The following CACNA2D1 variants were observed in gnomAD, a reference collection of about 807,000 sequenced individuals.
CACNA2D1 encodes calcium voltage-gated channel auxiliary subunit alpha2delta 1.
Under a neutral mutation model 171.5 loss-of-function variants are expected in CACNA2D1, and 53 were observed. The ratio of observed to expected loss-of-function variants is 0.31; its 90% CI spans 0.25 to 0.39. CACNA2D1 has a LOEUF of 0.39. Among genes scored for constraint, CACNA2D1 ranks in the 10% least tolerant of loss-of-function variants. CACNA2D1 has a pLI of 1.00. For missense variants in CACNA2D1, 903 were observed against 1,299.8 expected, an observed-to-expected ratio of 0.69 and a Z score of 4.69; for synonymous variants, 442 against 443.1, an observed-to-expected ratio of 1.00 and a Z score of 0.03.
At chr7:81,957,031 A>T (rs1409497069) in intron 38 of CACNA2D1, among the ~76,000 whole-genome samples, 3 of 152,152 alleles carry the variant, frequency 2.0e-5, no homozygotes, top group Non-Finnish European at 2.9e-5. Flanking sequence ...TTTTGAGAGT[A>T]AAAAATCTAA....
At chr7:82,164,023 G>A (rs1412874753) in intron 4 of CACNA2D1, among the ~76,000 whole-genome samples, 1 of 152,026 alleles carries the variant, frequency 6.6e-6, no homozygotes, top group Non-Finnish European at 1.5e-5. Context: ...AAAGTGCACA[G>A]CAAGTTGTTG....
chr7:82,194,366 T>C (rs1798643673), intron 3 of CACNA2D1, among the ~76,000 whole-genome samples: 1 of 151,980 alleles, frequency 6.6e-6, no homozygotes, highest in South Asian at 2.1e-4. Flanking sequence ...GATAGCAAAA[T>C]ATGTCCTTAT....
chr7:82,268,321 A>G (rs1808181396), intron 3 of CACNA2D1, among the ~76,000 whole-genome samples: 1 of 152,222 alleles, frequency 6.6e-6, no homozygotes, highest in Admixed American at 6.5e-5. Context: ...AATATTAAAT[A>G]CTCAGCAAAT....
Position 81,961,946 on chromosome 7 carries a change from C to T in CACNA2D1, c.2914G>A (p.Asp972Asn), listed in dbSNP as rs776720930. The part of the protein sequence containing the change: ...CITEQTQYFF[D>N]NDSKSFSGVL... ...CCACTGAATGATTTACTGTCGTTAT[C>T]GAAGAAATACTGGGTTTGTTCAGTA... The change falls in exon 36 of 39, where the codon GAT becomes AAT. Residue 972 changes from aspartate to asparagine, a missense_variant. Physicochemically the swap from Asp to Asn is conservative, Grantham distance 23 (BLOSUM62 1). Transcript: ENST00000356860. The T allele has an allele frequency of 2.0e-5, 32 of 1,611,232 alleles. No homozygotes were observed. The highest frequency in any genetic ancestry group is 1.2e-4 in the African/African-American group (9 of 74,704).
chr7:82,076,766 G>T (rs191152883), intron 7 of CACNA2D1, among the ~76,000 whole-genome samples: 5 of 152,060 alleles, frequency 3.3e-5, no homozygotes, highest in African/African-American at 9.7e-5. Context: ...CATTCAAGGC[G>T]ACATATTCTA....
intron 1 of CACNA2D1, among the ~76,000 whole-genome samples, chr7:82,378,926 C>A (rs1823333937): frequency 7.8e-6 from 1 of 128,148 alleles, no homozygotes; most frequent in African/African-American, 2.9e-5. Flanking sequence ...TGTATGTGTG[C>A]AGGGGTTGAC....
chr7:82,284,906 C>T (rs577694402), intron 3 of CACNA2D1, among the ~76,000 whole-genome samples: 6 of 152,200 alleles, frequency 3.9e-5, no homozygotes, highest in African/African-American at 1.4e-4. Context: ...CAAATTTTTA[C>T]GCATCCATTT....
At chr7:82,143,083 T>G (rs975930398) in intron 4 of CACNA2D1, among the ~76,000 whole-genome samples, 1 of 152,082 alleles carries the variant, frequency 6.6e-6, no homozygotes, top group Non-Finnish European at 1.5e-5. Context: ...TGTGAGTAAA[T>G]CATTTTCAAG....
chr7:82,188,288 A>G (rs1797965972), intron 3 of CACNA2D1, among the ~76,000 whole-genome samples: 1 of 152,134 alleles, frequency 6.6e-6, no homozygotes. Context: ...TATACTAAAG[A>G]TTTGTAAAGA....
At chr7:81,968,039 A>G (rs12671547) in intron 29 of CACNA2D1, among the ~76,000 whole-genome samples, 61,054 of 151,164 alleles carry the variant, frequency 0.4, 12,511 homozygotes, top group East Asian at 0.51. Flanking sequence ...AGATGAATGG[A>G]TGAGTAGGTG....
At chr7:82,044,099 G>A (rs757002601) in intron 10 of CACNA2D1, among the ~76,000 whole-genome samples, 2 of 152,084 alleles carry the variant, frequency 1.3e-5, no homozygotes, top group Non-Finnish European at 2.9e-5. Context: ...TGCCCAGACT[G>A]GTTTCGAATT....
At chr7:81,962,166 T>C (rs1011079603) in intron 35 of CACNA2D1, 143 bp from the exon 36 acceptor site, 2 of 741,316 alleles carry the variant, frequency 2.7e-6, no homozygotes, top group East Asian at 2.6e-5. Flanking sequence ...TACTGCTGTG[T>C]AATATCGTGG....
chr7:82,352,736 G>A (rs1290325478), intron 1 of CACNA2D1, among the ~76,000 whole-genome samples: 2 of 152,156 alleles, frequency 1.3e-5, no homozygotes, highest in Non-Finnish European at 2.9e-5. Flanking sequence ...TTCTGGAGTA[G>A]CAGCTACTTG....
chr7:82,185,522 A>AGGGGGGGGG (rs1797627735), intron 3 of CACNA2D1, among the ~76,000 whole-genome samples: 1 of 13,782 alleles, frequency 7.3e-5, no homozygotes, highest in Non-Finnish European at 1.3e-4. Flanking sequence ...GAGGAGGGGG[A>AGGGGGGGGG]GGAGGAGGAG....
chr7:82,332,541 AGAAAGAAAGAAAGAAAGAAAGAAAGAAC>A (rs1038426708), intron 3 of CACNA2D1, among the ~76,000 whole-genome samples: 1 of 57,680 alleles, frequency 1.7e-5, no homozygotes, highest in African/African-American at 7.0e-5. Flanking sequence ...AAAGAAAGAA[AGAAAGAAAGAAAGAAAGAAAGAAAGAAC>A]GAACAGAAAA....
chr7:82,365,590 A>T (rs1187405841), intron 1 of CACNA2D1, among the ~76,000 whole-genome samples: 2 of 152,216 alleles, frequency 1.3e-5, no homozygotes, highest in Non-Finnish European at 2.9e-5. Flanking sequence ...CAGATCAATG[A>T]ATAGATGGTG....
At chr7:82,286,887 G>A (rs1810853776) in intron 3 of CACNA2D1, among the ~76,000 whole-genome samples, 1 of 152,080 alleles carries the variant, frequency 6.6e-6, no homozygotes, top group African/African-American at 2.4e-5. Context: ...TCCATGGGCT[G>A]CTTGGAACAC....
intron 2 of CACNA2D1, among the ~76,000 whole-genome samples, chr7:82,343,825 C>G (rs1442043988): frequency 6.6e-6 from 1 of 152,110 alleles, no homozygotes; most frequent in African/African-American, 2.4e-5. Context: ...TAACCATAGG[C>G]TGAGTGAGCT....
At chr7:81,987,367 G>T (rs1797076348) in intron 21 of CACNA2D1, among the ~76,000 whole-genome samples, 1 of 152,068 alleles carries the variant, frequency 6.6e-6, no homozygotes, top group Non-Finnish European at 1.5e-5. Flanking sequence ...TAAAGCAAGT[G>T]GCCACCAGAT....
Sources: allele counts gnomAD v4.1 joint callset (sites outside exome capture counted in the v4.1 genomes callset), GRCh38; gene constraint gnomAD v4.1.1; transcripts MANE v1.5; gene names NCBI Gene and HGNC (gene_info 2026-07-23, HGNC 2026-07-21).